Variants in ITIH6 observed in about 807,000 individuals in gnomAD.
ITIH6 encodes the protein inter-alpha-trypsin inhibitor heavy chain family member 6.
ITIH6 carries 60 observed loss-of-function variants against 58.2 expected under a neutral mutation model. The ratio of observed to expected loss-of-function variants is 1.03; its 90% CI spans 0.84 to 1.28. The LOEUF (loss-of-function observed/expected upper bound fraction) is 1.28. Ranked by LOEUF, ITIH6 falls within the 50% of genes most tolerant of loss-of-function variation. The pLI is 0.00. For synonymous variants in ITIH6, 493 were observed against 417.4 expected (o/e 1.18, Z -2.21); for missense variants, 1,290 against 1,021.1 (o/e 1.26, Z -3.59).
At chrX:54,767,536 A>G (rs1303219444) in intron 6 of ITIH6, among the ~76,000 whole-genome samples, 4 of 97,844 alleles carry the variant, frequency 4.1e-5, no homozygotes, top group South Asian at 4.7e-4. Flanking sequence ...TTAGTGCTAT[A>G]AATTTCCCTC....
intron 6 of ITIH6, among the ~76,000 whole-genome samples, chrX:54,773,501 A>G (rs375216472): frequency 9.0e-6 from 1 of 111,274 alleles, no homozygotes; most frequent in African/African-American, 3.3e-5. Context: ...CCAGGGTATT[A>G]TGGTATGAAA....
chrX:54,758,508 G>A lies in ITIH6; in HGVS notation c.1566C>T (p.Ala522=), dbSNP rs745589710. 1.1e-5 allele frequency: 13 copies of A among 1,209,086 alleles called. No individual in the cohort carries two copies. The highest frequency in any genetic ancestry group is 1.7e-5 in the African/African-American group (1 of 57,165). Residue 522 remains alanine (A), a synonymous_variant, in exon 8 of 13, where the codon GCC becomes GCT. Transcript: ENST00000218436. Reference sequence around the variant, plus strand: ...CAAGAAGCTGATCCTTGGGGCCACGGGCTGCCAGGTGGATGCCCAGTTCCT... The same window carrying A: ...CAAGAAGCTGATCCTTGGGGCCACGAGCTGCCAGGTGGATGCCCAGTTCCT... ...GKQELGIHLA[A]RGPKDQLLVA... is the part of the protein sequence containing the mutation.
In ITIH6 at chrX:54,757,782, T is replaced by C. The variant is rs777518018; in HGVS notation, c.2292A>G (p.Lys764=). 1 of 1,211,453 alleles carries C rather than the reference T, an allele frequency of 8.3e-7. No homozygotes were observed. The highest frequency in any genetic ancestry group is 1.1e-6 in the Non-Finnish European group (1 of 895,274). Residue 764 remains lysine, a synonymous_variant, in exon 8 of 13, where the codon AAA becomes AAG. Coordinates refer to ENST00000218436, the MANE Select transcript of ITIH6 (RefSeq NM_198510.3). The part of the protein sequence containing the change: ...TNSRTQVPPV[K]PGIPASPKAD... Reference sequence around the variant, plus strand: ...CTTTGGGCGAGGCTGGGATGCCAGGTTTCACAGGTGGGACTTGTGTCCTGG... The same window carrying C: ...CTTTGGGCGAGGCTGGGATGCCAGGCTTCACAGGTGGGACTTGTGTCCTGG...
Position 54,749,740 on chromosome X carries a change from G to C in ITIH6, c.*155C>G. 1 of 444,703 alleles carries C rather than the reference G, an allele frequency of 2.2e-6. No individual in the cohort carries two copies. Among genetic ancestry groups the C allele is most frequent in the African/African-American group, 2.5e-5 (1 of 40,616 alleles). 36.6% of individuals were successfully genotyped at this position (444,703 alleles called of 1,213,427 possible). Reference sequence around the variant, plus strand: ...TATGTCTCTGCATGTCTATGTGTTTGTATACCCTTGTATATGTGTTCCTTA... The same window carrying C: ...TATGTCTCTGCATGTCTATGTGTTTCTATACCCTTGTATATGTGTTCCTTA... On this transcript the variant is annotated 3_prime_UTR_variant, in exon 13 of 13. Coordinates refer to ENST00000218436, the MANE Select transcript of ITIH6 (RefSeq NM_198510.3).
chrX:54,773,347 G>T (rs1378913408), intron 6 of ITIH6, among the ~76,000 whole-genome samples: 2 of 111,629 alleles, frequency 1.8e-5, no homozygotes, highest in African/African-American at 6.5e-5. Flanking sequence ...CACTGGGGCT[G>T]GGGAGCTGGC....
At chrX:54,771,704 G>A (rs1027992136) in intron 6 of ITIH6, among the ~76,000 whole-genome samples, 3 of 111,486 alleles carry the variant, frequency 2.7e-5, no homozygotes, top group African/African-American at 9.8e-5. Flanking sequence ...CTGAAAAGAA[G>A]ACATACATGT....
intron 5 of ITIH6, among the ~76,000 whole-genome samples, chrX:54,780,100 T>C (rs772015598): frequency 9.0e-6 from 1 of 111,530 alleles, no homozygotes; most frequent in South Asian, 3.8e-4. Flanking sequence ...ACCCCACATT[T>C]GGCACTGGAC....
rs1164675065 is a variant in ITIH6, at chrX:54,758,477, G to T, written c.1597C>A (p.His533Asn). ...TTGTTGGTGGCCCCTTCACTGTGGT[G>T]GGCCACAAGAAGCTGATCCTTGGGG... ...RGPKDQLLVA[H>N]HSEGATNNSQ... The change falls in exon 8 of 13, where the codon CAC becomes AAC. Residue 533 changes from histidine to asparagine, a missense_variant. Coordinates refer to ENST00000218436, the MANE Select transcript of ITIH6 (RefSeq NM_198510.3). 12 of 1,208,399 alleles carry T rather than the reference G, an allele frequency of 9.9e-6. No homozygotes were observed. Among genetic ancestry groups the T allele is most frequent in the African/African-American group, 1.7e-5 (1 of 57,170 alleles).
At chrX:54,750,181 C>G in intron 12 of ITIH6, 75 bp from the exon 13 acceptor site, 9 of 794,973 alleles carry the variant, frequency 1.1e-5, no homozygotes, top group Non-Finnish European at 1.6e-5. Flanking sequence ...GGAGGCCCAG[C>G]AGGAAATCCA....
At position 54,790,838 on chromosome X, in the gene ITIH6, T is replaced by G. The variant is rs1410516385; in HGVS notation, c.615A>C (p.Ala205=). 3.3e-6 allele frequency: 4 copies of G among 1,210,922 alleles called. No individual in the cohort carries two copies. The South Asian group carries it at 5.3e-5, about 16-fold the overall frequency. The change falls in exon 4 of 13, where the codon GCA becomes GCC. Residue 205 remains alanine (A), a splice_region_variant and synonymous_variant. Transcript: ENST00000218436. The part of the protein sequence containing the change: ...RTGRLRTNAH[A]SEVDSPPSTR... ...TGACCCATAGTGCTGCCCACATACT[T>G]GCATGGGCATTGGTGCGCAGACGGC...
rs866065242 is a variant in ITIH6 at position 54,756,922 on chromosome X, A to G, written c.3109+43T>C. The G allele has an allele frequency of 2.3e-5, 21 of 896,006 alleles. 1 individual carries two copies. In the Middle Eastern group the frequency reaches 5.6e-3, roughly 240 times the overall value. 73.8% of individuals were successfully genotyped at this position (896,006 alleles called of 1,213,427 possible). ...TCCCAGCTCCTGGTACTGTCCATTC[A>G]TACCTCACCCTCATGGCTCGACCTC... On this transcript the variant is annotated intron_variant, in intron 8 of 12. Transcript: ENST00000218436.
Position 54,757,704 on chromosome X carries a change from C to T in ITIH6, c.2370G>A (p.Ser790=). 1.7e-6 allele frequency: 2 copies of T among 1,210,610 alleles called. No individual in the cohort carries two copies. The highest frequency in any genetic ancestry group is 2.2e-6 in the Non-Finnish European group (2 of 895,057). The change falls in exon 8 of 13, where the codon TCG becomes TCA. Residue 790 remains serine, a synonymous_variant. Transcript: ENST00000218436. The part of the protein sequence containing the change: ...TPLHSKPGAP[S]HPQLGALTSQ... ...ATGTGAGTGCCCCAAGTTGGGGGTG[C>T]GATGGAGCACCAGGTTTGGAATGCA...
chrX:54,751,329 T>C lies in ITIH6; in HGVS notation c.3404A>G (p.Lys1135Arg), dbSNP rs772181891. The C allele has an allele frequency of 1.7e-6, 2 of 1,211,929 alleles. No homozygotes were observed. The highest frequency in any genetic ancestry group is 3.5e-5 in the African/African-American group (2 of 57,863). Residue 1135 changes from lysine to arginine, a missense_variant, in exon 12 of 13, where the codon AAG becomes AGG. Coordinates refer to ENST00000218436, the MANE Select transcript of ITIH6 (RefSeq NM_198510.3). ...CTGGAAGTAGGTGCGAGTCTGGTCC[T>C]TGTGGCCCGGCCTTGGTGGTGCGCC... Reference protein sequence around the residue: ...LLGAPPRPGHKDQTRTYFQII... With the variant: ...LLGAPPRPGHRDQTRTYFQII...
At chrX:54,776,447 C>T (rs778746303) in intron 5 of ITIH6, among the ~76,000 whole-genome samples, 3 of 110,558 alleles carry the variant, frequency 2.7e-5, no homozygotes, top group South Asian at 4.0e-4. Flanking sequence ...CACAACCTAC[C>T]GAGATAGCAG....
Position 54,796,954 on chromosome X carries a change from G to T in ITIH6, c.245C>A (p.Ser82Tyr), listed in dbSNP as rs1437790348. ...DLDLPHLAFI[S>Y]NFTMTINNKV... Reference sequence around the variant, plus strand: ...GAAGCAGACTTACATAGTGAAATTGGAGATAAAGGCAAGATGAGGCAGATC... The same window carrying T: ...GAAGCAGACTTACATAGTGAAATTGTAGATAAAGGCAAGATGAGGCAGATC... Residue 82 changes from serine (S) to tyrosine (Y), a missense_variant, in exon 2 of 13, where the codon TCC (serine) becomes TAC (tyrosine). By Grantham distance (144) the Ser-to-Tyr change is moderately radical. Transcript: ENST00000218436. 1 of 1,210,700 alleles carries T rather than the reference G, an allele frequency of 8.3e-7. No individual in the cohort carries two copies. Among genetic ancestry groups the T allele is most frequent in the Admixed American group, 2.2e-5 (1 of 45,925 alleles).
chrX:54,760,733 C>T (rs1928620679), intron 6 of ITIH6, among the ~76,000 whole-genome samples: 1 of 111,061 alleles, frequency 9.0e-6, no homozygotes, highest in African/African-American at 3.3e-5. Flanking sequence ...TGATGGTTTC[C>T]AGCTTCATCC....
In ITIH6 at chrX:54,750,714, G is replaced by A. The variant is rs779162145; in HGVS notation, c.3730+289C>T. Among the ~76,000 whole-genome samples, 3 of 111,504 alleles carry A rather than the reference G, an allele frequency of 2.7e-5. 1 individual carries two copies. Among genetic ancestry groups the A allele is most frequent in the African/African-American group, 9.8e-5 (3 of 30,647 alleles). On this transcript the variant is annotated intron_variant, in intron 12 of 12. Transcript: ENST00000218436. Reference sequence around the variant, plus strand: ...TCTTGTTTAGCCTTTCAGACTCAGCGTGGGTGTGTCTACCTCCTCCAGGAA... The same window carrying A: ...TCTTGTTTAGCCTTTCAGACTCAGCATGGGTGTGTCTACCTCCTCCAGGAA...
chrX:54,765,602 T>C (rs1381465523), intron 6 of ITIH6, among the ~76,000 whole-genome samples: 2 of 101,767 alleles, frequency 2.0e-5, no homozygotes, highest in East Asian at 3.1e-4. Context: ...TTCTTTTTTT[T>C]TTTTTTTTTT....
In ITIH6 at chrX:54,753,984, CTG is replaced by C; in HGVS notation, c.3203-21_3203-20del. On this transcript the variant is annotated intron_variant, in intron 9 of 12. Coordinates refer to ENST00000218436, the MANE Select transcript of ITIH6 (RefSeq NM_198510.3). ...AATGTGCCTGCAAAGGAGAGAGAGA[CTG>C]TGTTGGGAAGGGACTAATGTATCAC... 1 of 1,204,414 alleles carries C rather than the reference CTG, an allele frequency of 8.3e-7. No homozygotes were observed. Among genetic ancestry groups the C allele is most frequent in the East Asian group, 3.0e-5 (1 of 33,810 alleles).
Sources: allele counts gnomAD v4.1 joint callset (sites outside exome capture counted in the v4.1 genomes callset), GRCh38; gene constraint gnomAD v4.1.1; transcripts MANE v1.5; gene names NCBI Gene and HGNC (gene_info 2026-07-23, HGNC 2026-07-21).